Variants in CLIC6 observed in about 807,000 individuals in gnomAD.
CLIC6 encodes the protein CLIC family member 6, also known as chloride intracellular channel protein 6.
Under a neutral mutation model 49.2 loss-of-function variants are expected in CLIC6, and 39 were observed. That is an observed-to-expected ratio of 0.79 (90% CI 0.61 to 1.04). The LOEUF (loss-of-function observed/expected upper bound fraction) is 1.04, where lower values mean the gene tolerates loss of function less well. CLIC6 is among the 50% of genes least tolerant of loss of function. The pLI is 0.00. For synonymous variants in CLIC6, 446 were observed against 433.4 expected (o/e 1.03, Z -0.36); for missense variants, 988 against 993.1 (o/e 0.99, Z 0.07).
intron 1 of CLIC6, among the ~76,000 whole-genome samples, chr21:34,699,232 G>A (rs1017571739): frequency 6.6e-6 from 1 of 151,974 alleles, no homozygotes; most frequent in African/African-American, 2.4e-5. Context: ...GTCAGTGAAT[G>A]GTAGCTGTCA....
Position 34,711,739 on chromosome 21 carries a change from T to G in CLIC6, c.1899+2201T>G, listed in dbSNP as rs1601289459. 5.3e-5 allele frequency among the ~76,000 whole-genome samples: 8 copies of G among 152,224 alleles called. No homozygotes were observed. The South Asian group carries it at 1.7e-3, about 32-fold the overall frequency. ...TGCTCCCTTCTTCTCCCTTCCTTTT[T>G]GTGCGTGAGGATACTGACTTGAAAT... On this transcript the variant is annotated intron_variant, in intron 5 of 5. Coordinates refer to ENST00000349499, the MANE Select transcript of CLIC6 (RefSeq NM_053277.3).
intron 1 of CLIC6, among the ~76,000 whole-genome samples, chr21:34,692,882 G>A (rs1990021419): frequency 6.6e-6 from 1 of 152,228 alleles, no homozygotes; most frequent in Non-Finnish European, 1.5e-5. Context: ...AGAAAGCTGA[G>A]TCTGAACACT....
intron 1 of CLIC6, among the ~76,000 whole-genome samples, chr21:34,682,055 T>G (rs955918002): frequency 2.0e-5 from 3 of 152,256 alleles, no homozygotes; most frequent in African/African-American, 7.2e-5. Flanking sequence ...GTGTATACTC[T>G]ATAATCATTT....
intron 1 of CLIC6, among the ~76,000 whole-genome samples, chr21:34,675,008 G>T (rs1989635098): frequency 6.6e-6 from 1 of 152,052 alleles, no homozygotes; most frequent in South Asian, 2.1e-4. Context: ...GGCTTTCCTG[G>T]CAAATTTGAC....
At chr21:34,692,497 G>A (rs1990014352) in intron 1 of CLIC6, among the ~76,000 whole-genome samples, 1 of 152,108 alleles carries the variant, frequency 6.6e-6, no homozygotes, top group Non-Finnish European at 1.5e-5. Context: ...TCTGATTTCT[G>A]GAGTCTTTTA....
At chr21:34,709,878 A>C (rs1023930694) in intron 5 of CLIC6, among the ~76,000 whole-genome samples, 1 of 152,194 alleles carries the variant, frequency 6.6e-6, no homozygotes, top group African/African-American at 2.4e-5. Context: ...GGCTCGTAGA[A>C]TCTGGGGCTA....
At position 34,711,039 on chromosome 21, in the gene CLIC6, T is replaced by G. The variant is rs564604622; in HGVS notation, c.1899+1501T>G. On this transcript the variant is annotated intron_variant, in intron 5 of 5. Coordinates refer to ENST00000349499, the MANE Select transcript of CLIC6 (RefSeq NM_053277.3). The stretch of plus-strand genomic sequence containing the variant: ...TTGAATGTGATTGCTGTGATGAGAT[T>G]GCTATGTCCTTGGCCCTTAGCAGCT... Among the ~76,000 whole-genome samples, 6 of 152,278 alleles carry G rather than the reference T, an allele frequency of 3.9e-5. No individual in the cohort carries two copies. In the East Asian group the frequency reaches 1.2e-3, roughly 29 times the overall value.
chr21:34,681,475 G>C (rs532568157), intron 1 of CLIC6, among the ~76,000 whole-genome samples: 2 of 152,344 alleles, frequency 1.3e-5, no homozygotes, highest in African/African-American at 4.8e-5. Context: ...TCATCTGAAG[G>C]ATTAATTGGG....
chr21:34,713,206 C>T (rs1333016151), intron 5 of CLIC6, among the ~76,000 whole-genome samples: 2 of 152,122 alleles, frequency 1.3e-5, no homozygotes, highest in African/African-American at 4.8e-5. Flanking sequence ...ATGGGAAATA[C>T]ATATATGATC....
intron 1 of CLIC6, among the ~76,000 whole-genome samples, chr21:34,696,969 T>A (rs1284444544): frequency 6.6e-6 from 1 of 152,258 alleles, no homozygotes; most frequent in South Asian, 2.1e-4. Flanking sequence ...CACAGGGCAC[T>A]CTTTTCTCAC....
chr21:34,685,530 C>G (rs1989860972), intron 1 of CLIC6, among the ~76,000 whole-genome samples: 1 of 152,190 alleles, frequency 6.6e-6, no homozygotes, highest in Non-Finnish European at 1.5e-5. Flanking sequence ...ACTTAACTCT[C>G]TCCCCCAGCT....
Position 34,708,811 on chromosome 21 carries a change from G to A in CLIC6, c.1717+5G>A, listed in dbSNP as rs758005410. The stretch of plus-strand genomic sequence containing the variant: ...CGAAGAAGGATGCAAATGAGAGTGA[G>A]TACCTCCCATCCTCCTGTTTTGTTT... On this transcript the variant is annotated splice_donor_5th_base_variant and intron_variant, in intron 4 of 5. Transcript: ENST00000349499. 1 of 1,590,586 alleles carries A rather than the reference G, an allele frequency of 6.3e-7. No individual in the cohort carries two copies. Among genetic ancestry groups the A allele is most frequent in the Non-Finnish European group, 8.6e-7 (1 of 1,158,690 alleles).
intron 1 of CLIC6, among the ~76,000 whole-genome samples, chr21:34,695,405 A>T (rs1422756207): frequency 6.6e-6 from 1 of 152,216 alleles, no homozygotes. Context: ...ATCATTTGCA[A>T]AGTCATTTTT....
chr21:34,700,559 T>C (rs1990171033), intron 1 of CLIC6, among the ~76,000 whole-genome samples: 1 of 140,786 alleles, frequency 7.1e-6, no homozygotes, highest in South Asian at 2.2e-4. Context: ...GCCTAAATAA[T>C]TTCTTTTTAA....
At chr21:34,687,465 G>T (rs1989904268) in intron 1 of CLIC6, among the ~76,000 whole-genome samples, 1 of 152,156 alleles carries the variant, frequency 6.6e-6, no homozygotes, top group African/African-American at 2.4e-5. Context: ...ATTAAATATG[G>T]ATTAAAAATA....
chr21:34,716,260 T>C, intron 5 of CLIC6, 61 bp from the exon 6 acceptor site: 4 of 1,414,248 alleles, frequency 2.8e-6, no homozygotes, highest in African/African-American at 1.4e-5. Context: ...ATGGACTGTC[T>C]GACTTGGGAG....
At chr21:34,682,801 A>ATT (rs1172251761) in intron 1 of CLIC6, among the ~76,000 whole-genome samples, 4,581 of 69,338 alleles carry the variant, frequency 0.066, 1,364 homozygotes, top group East Asian at 0.13. Context: ...CTTTCCCTCC[A>ATT]TTTTTTTTTT....
Position 34,707,350 on chromosome 21 carries a change from A to C in CLIC6, c.1445A>C (p.Lys482Thr), listed in dbSNP as rs774443825. The change falls in exon 2 of 6, where the codon AAA becomes ACA. Residue 482 changes from lysine (K) to threonine (T), a missense_variant. Lys to Thr is a moderately conservative substitution (Grantham distance 78). Coordinates refer to ENST00000349499, the MANE Select transcript of CLIC6 (RefSeq NM_053277.3). ...SQRLFMILWL[K>T]GVIFNVTTVD... is the part of the protein sequence containing the mutation. ...CGTCTCTTTATGATTCTCTGGCTGA[A>C]AGGCGTTATATTTAATGTGACCACA... 6.2e-7 allele frequency: 1 copy of C among 1,613,862 alleles called. No homozygotes were observed. The highest frequency in any genetic ancestry group is 1.1e-5 in the South Asian group (1 of 91,076).
intron 1 of CLIC6, among the ~76,000 whole-genome samples, chr21:34,687,187 G>A (rs1192252564): frequency 6.6e-6 from 1 of 152,102 alleles, no homozygotes; most frequent in Non-Finnish European, 1.5e-5. Context: ...TAAAGGGGAG[G>A]GGGCAATCAG....
Sources: gnomAD v4.1 joint callset for allele counts (sites outside exome capture counted in the v4.1 genomes callset) on GRCh38, gnomAD v4.1.1 for gene constraint, MANE v1.5 for transcripts, NCBI Gene and HGNC (gene_info 2026-07-23, HGNC 2026-07-21) for gene names.